Variants in RBPJ observed in about 807,000 individuals in gnomAD.
The protein encoded by RBPJ is recombining binding protein suppressor of hairless.
A neutral mutation model predicts 67.8 loss-of-function variants in RBPJ; 9 were observed. The ratio of observed to expected loss-of-function variants is 0.13; its 90% CI spans 0.08 to 0.23. RBPJ has a LOEUF of 0.23. Ranked by LOEUF, RBPJ falls within the 10% of genes least tolerant of loss-of-function variation. The pLI, the probability that RBPJ is intolerant of heterozygous loss-of-function variation, is 1.00. For missense variants in RBPJ, 305 were observed against 595.6 expected, an observed-to-expected ratio of 0.51 and a Z score of 5.08; for synonymous variants, 198 against 203.3, an observed-to-expected ratio of 0.97 and a Z score of 0.22.
chr4:26,130,227 C>T, the RBPJ span, among the ~76,000 whole-genome samples: 4 of 152,144 alleles, frequency 2.6e-5, no homozygotes, highest in East Asian at 1.9e-4. Context: ...TACATACACC[C>T]GCACCTTCTT....
chr4:26,270,422 AAAG>A (rs1560237940), intron 1 of RBPJ, among the ~76,000 whole-genome samples: 3 of 58,126 alleles, frequency 5.2e-5, no homozygotes, highest in Admixed American at 2.3e-4. Context: ...AGAAAGAAAG[AAAG>A]AAAGAAAGAA....
the RBPJ span, among the ~76,000 whole-genome samples, chr4:26,107,440 A>C: frequency 1.3e-5 from 2 of 152,202 alleles, no homozygotes; most frequent in Non-Finnish European, 2.9e-5. Context: ...CACCACTTCA[A>C]ATGTTTGGCT....
intron 1 of RBPJ, among the ~76,000 whole-genome samples, chr4:26,186,410 A>G (rs1717261375): frequency 6.6e-6 from 1 of 152,174 alleles, no homozygotes; most frequent in Non-Finnish European, 1.5e-5. Context: ...GTACACAGTG[A>G]ATACTACATG....
intron 1 of RBPJ, among the ~76,000 whole-genome samples, chr4:26,175,985 G>A (rs140047010): frequency 6.6e-6 from 1 of 152,274 alleles, no homozygotes; most frequent in African/African-American, 2.4e-5. Context: ...CTGAGCCCCT[G>A]GGCAGGGCTT....
At chr4:26,191,180 AAT>A (rs1245359104) in intron 1 of RBPJ, among the ~76,000 whole-genome samples, 105 of 59,686 alleles carry the variant, frequency 1.8e-3, no homozygotes, top group African/African-American at 5.3e-3. Flanking sequence ...AAAAAAAAAA[AAT>A]ATATATATAT....
the RBPJ span, among the ~76,000 whole-genome samples, chr4:26,149,002 G>C: frequency 0.064 from 9,673 of 152,290 alleles, 370 homozygotes; most frequent in Middle Eastern, 0.1. Context: ...TCTCTACTGG[G>C]AGTGTGGTGA....
the RBPJ span, among the ~76,000 whole-genome samples, chr4:26,121,732 A>G: frequency 6.6e-6 from 1 of 152,194 alleles, no homozygotes; most frequent in Non-Finnish European, 1.5e-5. Flanking sequence ...TGAGCTTGAC[A>G]CAGTAATTTA....
chr4:26,325,913 T>C (rs1723581598), intron 1 of RBPJ, among the ~76,000 whole-genome samples: 1 of 152,208 alleles, frequency 6.6e-6, no homozygotes, highest in African/African-American at 2.4e-5. Context: ...TACTGTATAT[T>C]TAATACAGTA....
chr4:26,106,873 G>C, the RBPJ span, among the ~76,000 whole-genome samples: 1 of 152,178 alleles, frequency 6.6e-6, no homozygotes, highest in African/African-American at 2.4e-5. Context: ...GACTGAATGA[G>C]GAGTGAGGGT....
chr4:26,347,072 C>T (rs1726235436), intron 1 of RBPJ, among the ~76,000 whole-genome samples: 1 of 152,006 alleles, frequency 6.6e-6, no homozygotes. Flanking sequence ...GCCAGGGGAA[C>T]AGTGGCACCA....
At chr4:26,283,883 A>C (rs1560243654) in intron 1 of RBPJ, among the ~76,000 whole-genome samples, 1 of 152,138 alleles carries the variant, frequency 6.6e-6, no homozygotes, top group African/African-American at 2.4e-5. Flanking sequence ...TGACCTCGTG[A>C]TCCATCCGCC....
chr4:26,214,900 AAAAG>A (rs1200301047), intron 1 of RBPJ, among the ~76,000 whole-genome samples: 9 of 12,850 alleles, frequency 7.0e-4, no homozygotes, highest in South Asian at 3.6e-3. Context: ...AAAAAAGAGA[AAAAG>A]AAAGAAAAAA....
intron 2 of RBPJ, among the ~76,000 whole-genome samples, chr4:26,404,222 A>G (rs1269287458): frequency 6.6e-6 from 1 of 151,778 alleles, no homozygotes; most frequent in African/African-American, 2.4e-5. Flanking sequence ...CTACTTTTTA[A>G]TGGGGTTGTT....
At chr4:26,363,766 T>C (rs1728325134) in intron 1 of RBPJ, among the ~76,000 whole-genome samples, 1 of 152,224 alleles carries the variant, frequency 6.6e-6, no homozygotes, top group African/African-American at 2.4e-5. Flanking sequence ...AAAATTAATA[T>C]TGTGATTATT....
chr4:26,142,887 T>G, the RBPJ span, among the ~76,000 whole-genome samples: 1 of 152,188 alleles, frequency 6.6e-6, no homozygotes, highest in African/African-American at 2.4e-5. Flanking sequence ...GTTCAAGGGA[T>G]TCTCCTGCCT....
the RBPJ span, among the ~76,000 whole-genome samples, chr4:26,107,074 T>A: frequency 1.3e-5 from 2 of 152,184 alleles, no homozygotes; most frequent in Non-Finnish European, 2.9e-5. Flanking sequence ...AGGCAGAGAC[T>A]GAGAATGAGT....
chr4:26,409,719 C>T (rs1257827634), intron 3 of RBPJ, among the ~76,000 whole-genome samples: 3 of 152,096 alleles, frequency 2.0e-5, no homozygotes, highest in East Asian at 1.9e-4. Context: ...AGGCTGGTCT[C>T]GAACTCTTGA....
upstream of RBPJ, chr4:26,319,923 C>T (rs757398601): frequency 8.9e-6 from 14 of 1,576,612 alleles, no homozygotes; most frequent in East Asian, 2.5e-4. Context: ...GCCCTTCACC[C>T]TGCTGTTCCA....
chr4:26,377,235 T>C (rs912382835), intron 1 of RBPJ, among the ~76,000 whole-genome samples: 2 of 152,202 alleles, frequency 1.3e-5, no homozygotes, highest in African/African-American at 4.8e-5. Flanking sequence ...TGTTTTCCAT[T>C]GAAGAAACTG....
Sources: allele counts gnomAD v4.1 joint callset (sites outside exome capture counted in the v4.1 genomes callset), GRCh38; gene constraint gnomAD v4.1.1; transcripts MANE v1.5; gene names NCBI Gene and HGNC (gene_info 2026-07-23, HGNC 2026-07-21).